Variants in MCPH1 observed in about 807,000 individuals in gnomAD.
The protein encoded by MCPH1 is microcephalin 1, also known as microcephalin.
In MCPH1, 104 loss-of-function variants were observed where a neutral mutation model predicts 84.5. That is an observed-to-expected ratio of 1.23 (90% CI 1.05 to 1.45). The LOEUF is 1.45. Ranked by LOEUF, MCPH1 falls within the 40% of genes most tolerant of loss-of-function variation. MCPH1 has a pLI of 0.00. For missense variants in MCPH1, 1,498 were observed against 1,005.7 expected (o/e 1.49, Z -6.62); for synonymous variants, 514 against 366.8 (o/e 1.40, Z -4.58).
chr8:6,582,352 T>C (rs1488138603), intron 12 of MCPH1, among the ~76,000 whole-genome samples: 1 of 152,202 alleles, frequency 6.6e-6, no homozygotes, highest in Non-Finnish European at 1.5e-5. Flanking sequence ...GTAGCCTTAT[T>C]TTGCAGTTGA....
intron 13 of MCPH1, among the ~76,000 whole-genome samples, chr8:6,641,544 G>C (rs751526702): frequency 1.3e-5 from 2 of 152,166 alleles, no homozygotes; most frequent in African/African-American, 4.8e-5. Flanking sequence ...AGGAGTTCGA[G>C]ATCAGCCTGG....
intron 12 of MCPH1, among the ~76,000 whole-genome samples, chr8:6,517,665 T>C (rs1165651883): frequency 6.6e-6 from 1 of 152,188 alleles, no homozygotes; most frequent in African/African-American, 2.4e-5. Flanking sequence ...TCCCAAGTTC[T>C]ACCCCAGGGG....
intron 12 of MCPH1, among the ~76,000 whole-genome samples, chr8:6,574,637 A>G (rs894520364): frequency 2.6e-5 from 4 of 152,250 alleles, no homozygotes; most frequent in African/African-American, 9.6e-5. Context: ...ATAGACATGA[A>G]AAATACGATG....
intron 13 of MCPH1, among the ~76,000 whole-genome samples, chr8:6,632,733 T>G (rs1314981842): frequency 1.3e-5 from 2 of 151,932 alleles, no homozygotes; most frequent in Non-Finnish European, 2.9e-5. Flanking sequence ...CACTTAAACC[T>G]GGGAGAAAGA....
chr8:6,563,595 G>A (rs556990187), intron 12 of MCPH1, among the ~76,000 whole-genome samples: 2 of 152,360 alleles, frequency 1.3e-5, no homozygotes, highest in East Asian at 1.9e-4. Context: ...GAAGTACAAT[G>A]AAAGTTCCTG....
At chr8:6,603,505 G>A (rs1188477597) in intron 12 of MCPH1, among the ~76,000 whole-genome samples, 1 of 152,162 alleles carries the variant, frequency 6.6e-6, no homozygotes, top group East Asian at 1.9e-4. Flanking sequence ...TGATCCTGTA[G>A]AGCGTTTATG....
At chr8:6,538,967 G>C (rs950510402) in intron 12 of MCPH1, among the ~76,000 whole-genome samples, 1 of 152,198 alleles carries the variant, frequency 6.6e-6, no homozygotes, top group Non-Finnish European at 1.5e-5. Context: ...AACATCATTT[G>C]AGGTCTCCAG....
chr8:6,538,426 C>T (rs550526525), intron 12 of MCPH1, among the ~76,000 whole-genome samples: 6 of 152,262 alleles, frequency 3.9e-5, no homozygotes, highest in Admixed American at 6.5e-5. Flanking sequence ...AGCTGGTGAC[C>T]GCAGCTCACT....
chr8:6,466,207 G>A (rs1178136920), intron 9 of MCPH1, among the ~76,000 whole-genome samples: 1 of 140,046 alleles, frequency 7.1e-6, no homozygotes, highest in African/African-American at 2.7e-5. Flanking sequence ...CGCGATCTTT[G>A]CTCATTGCAA....
intron 12 of MCPH1, among the ~76,000 whole-genome samples, chr8:6,516,003 C>A (rs1816198737): frequency 6.6e-6 from 1 of 152,214 alleles, no homozygotes; most frequent in African/African-American, 2.4e-5. Flanking sequence ...GTCCCTGGAA[C>A]AGCCTGGTCT....
chr8:6,439,372 T>TG (rs1554489771), intron 6 of MCPH1, among the ~76,000 whole-genome samples: 4 of 144,208 alleles, frequency 2.8e-5, no homozygotes, highest in Admixed American at 7.0e-5. Context: ...TCTTTTTTTT[T>TG]AAAAAAAAAT....
chr8:6,552,091 G>A (rs1307557904), intron 12 of MCPH1, among the ~76,000 whole-genome samples: 1 of 152,182 alleles, frequency 6.6e-6, no homozygotes, highest in African/African-American at 2.4e-5. Context: ...CAGAGGAAAT[G>A]GTACCTCTAA....
chr8:6,596,183 C>T (rs1044912318), intron 12 of MCPH1, among the ~76,000 whole-genome samples: 8 of 152,144 alleles, frequency 5.3e-5, no homozygotes, highest in Non-Finnish European at 1.0e-4. Context: ...ATATGTTGAT[C>T]ATTTTATTGG....
At chr8:6,598,597 G>T (rs991199598) in intron 12 of MCPH1, among the ~76,000 whole-genome samples, 1 of 152,212 alleles carries the variant, frequency 6.6e-6, no homozygotes, top group African/African-American at 2.4e-5. Flanking sequence ...AACACCCAAG[G>T]CTTTCCAAAA....
intron 12 of MCPH1, among the ~76,000 whole-genome samples, chr8:6,592,683 C>G (rs1828593236): frequency 8.1e-6 from 1 of 124,138 alleles, no homozygotes. Context: ...GAGAAGGGGT[C>G]TCACTCTGTC....
intron 2 of MCPH1, among the ~76,000 whole-genome samples, chr8:6,410,346 G>A (rs1437086783): frequency 2.0e-5 from 3 of 152,070 alleles, no homozygotes; most frequent in Admixed American, 2.0e-4. Context: ...AAAAACTACA[G>A]AAAGTTCAAG....
At chr8:6,509,538 C>T (rs908697298) in intron 12 of MCPH1, among the ~76,000 whole-genome samples, 1 of 152,108 alleles carries the variant, frequency 6.6e-6, no homozygotes, top group Non-Finnish European at 1.5e-5. Context: ...ATCTACAGAA[C>T]GGTGCTGAAA....
chr8:6,418,125 C>G (rs1022094773), intron 3 of MCPH1, among the ~76,000 whole-genome samples: 4 of 152,096 alleles, frequency 2.6e-5, no homozygotes, highest in Non-Finnish European at 4.4e-5. Flanking sequence ...TCCTATGGTT[C>G]TCTTACTTCC....
intron 12 of MCPH1, among the ~76,000 whole-genome samples, chr8:6,536,780 T>G (rs1820581208): frequency 6.6e-6 from 1 of 152,150 alleles, no homozygotes; most frequent in East Asian, 1.9e-4. Flanking sequence ...CTCATCCACT[T>G]GGATAGACAG....
Sources: gnomAD v4.1 joint callset for allele counts (sites outside exome capture counted in the v4.1 genomes callset) on GRCh38, gnomAD v4.1.1 for gene constraint, MANE v1.5 for transcripts, NCBI Gene and HGNC (gene_info 2026-07-23, HGNC 2026-07-21) for gene names.